DAG1: variants seen among roughly 807,000 people sequenced by gnomAD.
The protein encoded by DAG1 is dystroglycan 1, also known as dystroglycan 1 (dystrophin-associated glycoprotein 1).
DAG1 carries 8 observed loss-of-function variants against 46.1 expected under a neutral mutation model. That is an observed-to-expected ratio of 0.17 (90% CI 0.10 to 0.31). The LOEUF (loss-of-function observed/expected upper bound fraction) is 0.31. Ranked by LOEUF, DAG1 falls within the 10% of genes least tolerant of loss-of-function variation. The pLI is 1.00. For synonymous variants in DAG1, 495 were observed against 481.8 expected (o/e 1.03, Z -0.36); for missense variants, 1,003 against 1,189.9 (o/e 0.84, Z 2.31).
At chr3:49,480,592 G>C (rs1313175823) in intron 1 of DAG1, among the ~76,000 whole-genome samples, 3 of 121,010 alleles carry the variant, frequency 2.5e-5, no homozygotes, top group African/African-American at 7.7e-5. Context: ...TGCGTCCGGC[G>C]CATATAACAT....
At chr3:49,484,106 A>T (rs1369446358) in intron 1 of DAG1, among the ~76,000 whole-genome samples, 1 of 152,166 alleles carries the variant, frequency 6.6e-6, no homozygotes, top group African/African-American at 2.4e-5. Flanking sequence ...TAACAGTAGG[A>T]TTCCTGTCTG....
chr3:49,494,247 A>C (rs558337087), intron 1 of DAG1, among the ~76,000 whole-genome samples: 27 of 152,324 alleles, frequency 1.8e-4, no homozygotes, highest in African/African-American at 6.0e-4. Context: ...TGAAGATTGA[A>C]GCATTTGCCT....
At chr3:49,525,776 T>C (rs1197450688) in intron 2 of DAG1, among the ~76,000 whole-genome samples, 2 of 151,478 alleles carry the variant, frequency 1.3e-5, no homozygotes, top group Non-Finnish European at 2.9e-5. Flanking sequence ...GCCAGGATGG[T>C]CTTGATCTCC....
rs2051442133 is a variant in DAG1, at chr3:49,533,989, C to A, written c.*790C>A. On this transcript the variant is annotated 3_prime_UTR_variant, in exon 3 of 3. Coordinates refer to ENST00000308775, the MANE Select transcript of DAG1 (RefSeq NM_004393.6). Reference sequence around the variant, plus strand: ...GGGGTCTCTTGGGCCATGGACATCCCCACTTCCAGCCCATGTACACTAGTG... The same window carrying A: ...GGGGTCTCTTGGGCCATGGACATCCACACTTCCAGCCCATGTACACTAGTG... 2 of 155,412 alleles carry A rather than the reference C, an allele frequency of 1.3e-5. No individual in the cohort carries two copies. The highest frequency in any genetic ancestry group is 2.9e-5 in the Non-Finnish European group (2 of 69,998). 9.6% of individuals were successfully genotyped at this position (155,412 alleles called of 1,614,324 possible). A position where few individuals can be genotyped will look rare whatever the true frequency, so the allele number is the denominator to read the frequency against.
chr3:49,487,849 C>G (rs1230780914), intron 1 of DAG1, among the ~76,000 whole-genome samples: 1 of 151,838 alleles, frequency 6.6e-6, no homozygotes, highest in African/African-American at 2.4e-5. Context: ...ACAACAGGCT[C>G]CCGCCACCAT....
chr3:49,485,038 G>A (rs1158070030), intron 1 of DAG1, among the ~76,000 whole-genome samples: 2 of 152,182 alleles, frequency 1.3e-5, no homozygotes, highest in East Asian at 3.8e-4. Context: ...CCAGGCTGGA[G>A]TGCAGTAGCT....
chr3:49,507,901 T>G (rs2107615674), intron 1 of DAG1, among the ~76,000 whole-genome samples: 1 of 152,214 alleles, frequency 6.6e-6, no homozygotes, highest in East Asian at 1.9e-4. Flanking sequence ...AGTTTGTATT[T>G]TTTGAGAGGA....
chr3:49,510,357 A>G (rs2050728770), intron 1 of DAG1, 62 bp from the exon 2 acceptor site: 1 of 651,602 alleles, frequency 1.5e-6, no homozygotes, highest in East Asian at 2.7e-5. Flanking sequence ...CTCCTGGAGG[A>G]TAGTATGTGA....
rs570523592 is a variant in DAG1 at position 49,472,999 on chromosome 3, T to C, written c.-117+2566T>C. ...AGCCAGGCATGGTGGCGGGCGCCTTTAATCGCAGCTACTCGGGAGGCTGAG... is the reference window on the plus strand; with the variant it reads ...AGCCAGGCATGGTGGCGGGCGCCTTCAATCGCAGCTACTCGGGAGGCTGAG... On this transcript the variant is annotated intron_variant, in intron 1 of 2. Transcript: ENST00000308775. Among the ~76,000 whole-genome samples, 3 of 151,574 alleles carry C rather than the reference T, an allele frequency of 2.0e-5. No homozygotes were observed. The South Asian group carries it at 6.3e-4, about 32-fold the overall frequency.
chr3:49,475,590 A>G (rs1219500402), intron 1 of DAG1, among the ~76,000 whole-genome samples: 1 of 151,778 alleles, frequency 6.6e-6, no homozygotes, highest in African/African-American at 2.4e-5. Flanking sequence ...ATAAATAGGA[A>G]TTTAGAGTAG....
chr3:49,497,239 C>A (rs991039696), intron 1 of DAG1, among the ~76,000 whole-genome samples: 8 of 151,894 alleles, frequency 5.3e-5, no homozygotes, highest in Admixed American at 6.6e-5. Flanking sequence ...GAGTTCAAGA[C>A]CAGCCTGGCT....
At position 49,533,118 on chromosome 3, in the gene DAG1, C is replaced by T; in HGVS notation, c.2607C>T (p.Phe869=). The stretch of plus-strand genomic sequence containing the variant: ...CTCCCTACCAGCCCCCACCGCCCTT[C>T]ACAGCACCCATGGAGGGCAAGGGCT... ...NAPPYQPPPP[F]TAPMEGKGSR... is the part of the protein sequence containing the mutation. The change falls in exon 3 of 3, where the codon TTC becomes TTT. Residue 869 remains phenylalanine, a synonymous_variant. Coordinates refer to ENST00000308775, the MANE Select transcript of DAG1 (RefSeq NM_004393.6). The T allele has an allele frequency of 6.2e-7, 1 of 1,614,236 alleles. No individual in the cohort carries two copies. Among genetic ancestry groups the T allele is most frequent in the Non-Finnish European group, 8.5e-7 (1 of 1,180,046 alleles).
intron 1 of DAG1, among the ~76,000 whole-genome samples, chr3:49,476,556 A>C (rs902867028): frequency 6.6e-6 from 1 of 152,180 alleles, no homozygotes; most frequent in Non-Finnish European, 1.5e-5. Flanking sequence ...GAGGTTTTGC[A>C]GTGTTGAGGT....
chr3:49,485,622 A>G (rs2050002646), intron 1 of DAG1, among the ~76,000 whole-genome samples: 3 of 150,732 alleles, frequency 2.0e-5, no homozygotes, highest in African/African-American at 7.3e-5. Context: ...GCTTAGACCT[A>G]ATGTGGTAGA....
chr3:49,482,472 G>A (rs1002435579), intron 1 of DAG1, among the ~76,000 whole-genome samples: 3 of 152,198 alleles, frequency 2.0e-5, no homozygotes, highest in Non-Finnish European at 4.4e-5. Flanking sequence ...TGAGATAGGA[G>A]AAAAACTGCC....
At chr3:49,518,306 T>A (rs2050946670) in intron 2 of DAG1, among the ~76,000 whole-genome samples, 1 of 152,174 alleles carries the variant, frequency 6.6e-6, no homozygotes, top group Non-Finnish European at 1.5e-5. Context: ...GGTAGAATAA[T>A]CCAGTGTTTA....
At chr3:49,477,207 G>T (rs1483129880) in intron 1 of DAG1, among the ~76,000 whole-genome samples, 2 of 151,952 alleles carry the variant, frequency 1.3e-5, no homozygotes, top group African/African-American at 2.4e-5. Context: ...ATGTTGGTCG[G>T]GCTGGTCTCG....
chr3:49,494,597 C>G (rs2050263319), intron 1 of DAG1, among the ~76,000 whole-genome samples: 1 of 151,870 alleles, frequency 6.6e-6, no homozygotes, highest in Non-Finnish European at 1.5e-5. Flanking sequence ...AGTGTGAAAT[C>G]AAGTGATCAT....
intron 2 of DAG1, among the ~76,000 whole-genome samples, chr3:49,515,003 G>A (rs569381379): frequency 1.3e-5 from 2 of 152,348 alleles, no homozygotes; most frequent in Admixed American, 6.5e-5. Flanking sequence ...GGGACTACAG[G>A]CATGCGCCAC....
Sources: gnomAD v4.1 joint callset for allele counts (sites outside exome capture counted in the v4.1 genomes callset) on GRCh38, gnomAD v4.1.1 for gene constraint, MANE v1.5 for transcripts, NCBI Gene and HGNC (gene_info 2026-07-23, HGNC 2026-07-21) for gene names.